BRD3: variants seen among roughly 807,000 people sequenced by gnomAD.
BRD3 encodes bromodomain-containing protein 3.
Under a neutral mutation model 66.8 loss-of-function variants are expected in BRD3, and 17 were observed. The ratio of observed to expected loss-of-function variants is 0.25; its 90% CI spans 0.17 to 0.38. The LOEUF is 0.38. Among genes scored for constraint, BRD3 ranks in the 10% least tolerant of loss-of-function variants. BRD3 has a pLI of 1.00. For synonymous variants in BRD3, 421 were observed against 393.2 expected (o/e 1.07, Z -0.84); for missense variants, 713 against 956.1 (o/e 0.75, Z 3.35).
intron 1 of BRD3, chr9:134,058,478 G>A (rs904303981): frequency 2.0e-5 from 3 of 152,388 alleles, no homozygotes; most frequent in Non-Finnish European, 4.4e-5. Context: ...GTAAACAGAA[G>A]GATCACGTCT....
intron 6 of BRD3, among the ~76,000 whole-genome samples, chr9:134,046,747 A>G (rs1830178643): frequency 6.6e-6 from 1 of 152,192 alleles, no homozygotes. Context: ...AAGTGCTGCC[A>G]CTGCACCTGG....
chr9:134,063,205 C>A (rs1830580803), intron 1 of BRD3, among the ~76,000 whole-genome samples: 1 of 152,240 alleles, frequency 6.6e-6, no homozygotes, highest in Admixed American at 6.5e-5. Flanking sequence ...CTGCAGGACG[C>A]CCCCAGGCCT....
chr9:134,045,230 C>T lies in BRD3; in HGVS notation c.1215+63G>A, dbSNP rs1341797643. On this transcript the variant is annotated intron_variant, in intron 7 of 11. Transcript: ENST00000303407. This position sits in a 1 kb window ranked among gnomAD's most constrained non-coding sequence, Gnocchi z 4.8. ...CATTCACCTGGGCGCTTACCCCACA[C>T]TGAGGCCAGGATGCCCACAGCACTG... The T allele has an allele frequency of 1.9e-6, 3 of 1,594,750 alleles. No individual in the cohort carries two copies. Among genetic ancestry groups the T allele is most frequent in the Non-Finnish European group, 2.6e-6 (3 of 1,167,546 alleles).
intron 7 of BRD3, among the ~76,000 whole-genome samples, chr9:134,044,478 G>A (rs1432521032): frequency 6.6e-6 from 1 of 152,154 alleles, no homozygotes; most frequent in Admixed American, 6.5e-5. Context: ...AAAGCATGCT[G>A]GAAGAGAACA....
intron 6 of BRD3, among the ~76,000 whole-genome samples, chr9:134,047,749 T>C (rs762679986): frequency 3.3e-5 from 5 of 152,204 alleles, no homozygotes; most frequent in Non-Finnish European, 7.3e-5. Flanking sequence ...CTTTAAAACT[T>C]TGCCAACTGT....
chr9:134,036,249 G>C lies in BRD3; in HGVS notation c.1719C>G (p.Ser573Arg). 6.2e-7 allele frequency: 1 copy of C among 1,614,144 alleles called. No homozygotes were observed. The highest frequency in any genetic ancestry group is 8.5e-7 in the Non-Finnish European group (1 of 1,180,038). ...SEEEEEGLPM[S>R]YDEKRQLSLD... ...GGCTAAGCTGGCGCTTTTCATCGTA[G>C]CTCATGGGCAGGCCCTCCTCCTCTT... Residue 573 changes from serine (S) to arginine (R), a missense_variant, in exon 10 of 12, where the codon AGC (serine) becomes AGG (arginine). Physicochemically the swap from Ser to Arg is moderately radical, Grantham distance 110 (BLOSUM62 -1). Around this residue, in one of 5 missense-constraint regions of BRD3, gnomAD observed 418 missense variants for 609.3 expected, o/e 0.69. Transcript: ENST00000303407.
intron 5 of BRD3, among the ~76,000 whole-genome samples, chr9:134,049,357 G>A (rs544036075): frequency 1.1e-4 from 17 of 152,314 alleles, no homozygotes; most frequent in South Asian, 2.1e-4. Context: ...AGGAGCCAGC[G>A]GGAGCCACGG....
At chr9:134,064,144 G>C (rs531010750) in intron 1 of BRD3, among the ~76,000 whole-genome samples, 1 of 152,322 alleles carries the variant, frequency 6.6e-6, no homozygotes, top group African/African-American at 2.4e-5. Flanking sequence ...CACAGGTCCT[G>C]GCTCCACTGC....
At chr9:134,047,815 G>A (rs1250485825) in intron 6 of BRD3, among the ~76,000 whole-genome samples, 3 of 152,250 alleles carry the variant, frequency 2.0e-5, no homozygotes, top group Non-Finnish European at 4.4e-5. Context: ...TGGGAGGTAG[G>A]AATGAAATCA....
Position 134,046,305 on chromosome 9 carries a change from G to A in BRD3, c.1087-884C>T, listed in dbSNP as rs557327764. 5.9e-5 allele frequency among the ~76,000 whole-genome samples: 9 copies of A among 152,334 alleles called. No individual in the cohort carries two copies. In the South Asian group the frequency reaches 1.4e-3, roughly 25 times the overall value. On this transcript the variant is annotated intron_variant, in intron 6 of 11. Coordinates refer to ENST00000303407, the MANE Select transcript of BRD3 (RefSeq NM_007371.4). Reference sequence around the variant, plus strand: ...GGCAAAGAGAGGTCACGCTGTGCCCGAGGGAGTGAGTTTCCCATCCTGGGA... The same window carrying A: ...GGCAAAGAGAGGTCACGCTGTGCCCAAGGGAGTGAGTTTCCCATCCTGGGA...
chr9:134,039,934 G>A (rs1830003793), intron 9 of BRD3, 100 bp downstream of exon 9: 2 of 1,481,418 alleles, frequency 1.4e-6, no homozygotes, highest in East Asian at 4.9e-5. Context: ...TTTCCAGGTG[G>A]CCAAGGCACA....
At chr9:134,034,412 T>G in intron 11 of BRD3, 1 of 386,264 alleles carries the variant, frequency 2.6e-6, no homozygotes, top group South Asian at 3.4e-5. Context: ...GGCTGCCCAG[T>G]CCAGCCCCAC....
chr9:134,060,862 C>T (rs1188593852), intron 1 of BRD3, among the ~76,000 whole-genome samples: 2 of 152,208 alleles, frequency 1.3e-5, no homozygotes, highest in Admixed American at 1.3e-4. Context: ...CCCCTGAACC[C>T]TTCCCAAGGT....
At chr9:134,053,667 C>T (rs1830352424) in intron 1 of BRD3, 77 bp from the exon 2 acceptor site, 1 of 1,306,020 alleles carries the variant, frequency 7.7e-7, no homozygotes. Flanking sequence ...TCGGCGGGCT[C>T]CTGAGGGCAC....
chr9:134,051,745 A>G, intron 3 of BRD3, 36 bp from the exon 4 acceptor site: 3 of 1,572,000 alleles, frequency 1.9e-6, no homozygotes, highest in Non-Finnish European at 2.6e-6. Flanking sequence ...CGTGTCAGGA[A>G]AGGAGCTGTG....
chr9:134,037,595 TA>T (rs1564548084), intron 9 of BRD3, among the ~76,000 whole-genome samples: 1 of 151,646 alleles, frequency 6.6e-6, no homozygotes, highest in African/African-American at 2.4e-5. Flanking sequence ...AATAAAAAAT[TA>T]AAAAAAGGTT....
At chr9:134,041,139 T>C (rs953235539) in intron 8 of BRD3, among the ~76,000 whole-genome samples, 6 of 152,244 alleles carry the variant, frequency 3.9e-5, no homozygotes, top group Non-Finnish European at 2.9e-5. Flanking sequence ...GTTCCCCTCC[T>C]GACTCGACAG....
At chr9:134,051,875 GTGT>G (rs1383600013) in intron 3 of BRD3, among the ~76,000 whole-genome samples, 166 bp from the exon 4 acceptor site, 1 of 101,012 alleles carries the variant, frequency 9.9e-6, no homozygotes, top group Non-Finnish European at 1.9e-5. Context: ...GTGTGTGTGT[GTGT>G]TGTTTTTTTT....
rs201460687 is a variant in BRD3 at position 134,032,982 on chromosome 9, C to T, written c.*608G>A. 5 of 396,336 alleles carry T rather than the reference C, an allele frequency of 1.3e-5. No homozygotes were observed. Among genetic ancestry groups the T allele is most frequent in the Admixed American group, 4.4e-5 (1 of 22,624 alleles). 24.6% of individuals were successfully genotyped at this position (396,336 alleles called of 1,614,324 possible). ...TCCTGACATCACCACGAGCGGAGAACGCACATCCCACCCGACCACCCCCCA... is the reference window on the plus strand; with the variant it reads ...TCCTGACATCACCACGAGCGGAGAATGCACATCCCACCCGACCACCCCCCA... On this transcript the variant is annotated 3_prime_UTR_variant, in exon 12 of 12. Coordinates refer to ENST00000303407, the MANE Select transcript of BRD3 (RefSeq NM_007371.4).
Sources: allele counts gnomAD v4.1 joint callset (sites outside exome capture counted in the v4.1 genomes callset), GRCh38; gene constraint gnomAD v4.1.1; regional missense constraint gnomAD v4.1.1; non-coding constraint Gnocchi (gnomAD v3.1); transcripts MANE v1.5; gene names NCBI Gene and HGNC (gene_info 2026-07-23, HGNC 2026-07-21).